The following ABCC1 variants were observed in gnomAD, a reference collection of about 807,000 sequenced individuals.
The protein encoded by ABCC1 is multidrug resistance-associated protein 1.
ABCC1 carries 83 observed loss-of-function variants against 172.9 expected under a neutral mutation model. That is an observed-to-expected ratio of 0.48 (90% confidence interval 0.40 to 0.58). The LOEUF is 0.58. ABCC1 is among the 20% of genes least tolerant of loss of function. ABCC1 has a pLI of 0.00. For synonymous variants in ABCC1, 937 were observed against 825.2 expected (o/e 1.14, Z -2.32); for missense variants, 1,817 against 2,002.7 (o/e 0.91, Z 1.77).
intron 1 of ABCC1, among the ~76,000 whole-genome samples, chr16:15,952,203 C>G (rs1172911917): frequency 6.6e-6 from 1 of 152,222 alleles, no homozygotes; most frequent in East Asian, 1.9e-4. Flanking sequence ...AGCTTGTGCC[C>G]TGCACGGAGA....
Position 16,086,994 on chromosome 16 carries a change from G to T in ABCC1, c.2460+3G>T. ...CCAAGGGGATGCTGAAGAACAAGGT[G>T]CCTGCTGGCGGGGTGGGGCTTGGTG... On this transcript the variant is annotated splice_donor_region_variant and intron_variant, in intron 18 of 30. Transcript: ENST00000399410. 6.2e-7 allele frequency: 1 copy of T among 1,614,142 alleles called. No homozygotes were observed. The highest frequency in any genetic ancestry group is 8.5e-7 in the Non-Finnish European group (1 of 1,180,020).
At position 16,028,557 on chromosome 16, in the gene ABCC1, C is replaced by T. The variant is rs529421218; in HGVS notation, c.616-4552C>T. 1.2e-4 allele frequency among the ~76,000 whole-genome samples: 19 copies of T among 152,216 alleles called. No homozygotes were observed. The South Asian group carries it at 3.1e-3, about 25-fold the overall frequency. On this transcript the variant is annotated intron_variant, in intron 5 of 30. Coordinates refer to ENST00000399410, the MANE Select transcript of ABCC1 (RefSeq NM_004996.4). ...ATTTGCAATTCCCTGATAACCCACC[C>T]GCCGACTGTGGGAGTGGGCAGGAAG...
chr16:15,960,480 T>A (rs185075742), intron 1 of ABCC1, among the ~76,000 whole-genome samples: 1 of 152,334 alleles, frequency 6.6e-6, no homozygotes, highest in African/African-American at 2.4e-5. Context: ...GTGCTGCTGC[T>A]GCTCTAGGCA....
chr16:16,033,050 T>A, intron 5 of ABCC1, 59 bp from the exon 6 acceptor site: 1 of 1,552,408 alleles, frequency 6.4e-7, no homozygotes, highest in Non-Finnish European at 8.9e-7. Context: ...CTGACCTGGA[T>A]GAAAAGTCAA....
At chr16:16,008,959 G>A (rs111430208) in intron 2 of ABCC1, among the ~76,000 whole-genome samples, 1,730 of 82,514 alleles carry the variant, frequency 0.021, 39 homozygotes, top group African/African-American at 0.072. Flanking sequence ...GTTGTTTTTT[G>A]TTTTTTTTTG....
chr16:16,046,564 T>C (rs2049218150), intron 9 of ABCC1, among the ~76,000 whole-genome samples: 2 of 152,060 alleles, frequency 1.3e-5, no homozygotes, highest in African/African-American at 4.8e-5. Context: ...AGGCTGATCT[T>C]GAACTGCTGA....
intron 9 of ABCC1, among the ~76,000 whole-genome samples, chr16:16,046,541 C>T (rs1006826017): frequency 6.6e-6 from 1 of 152,120 alleles, no homozygotes; most frequent in South Asian, 2.1e-4. Context: ...GACAGGGTTT[C>T]GCCATGTTGG....
chr16:16,137,035 C>T (rs928912287), intron 29 of ABCC1, among the ~76,000 whole-genome samples: 3 of 152,174 alleles, frequency 2.0e-5, no homozygotes, highest in Non-Finnish European at 2.9e-5. Flanking sequence ...GTCCATGACC[C>T]AGCAACTAAA....
chr16:16,063,994 TC>T (rs1218042510), intron 12 of ABCC1, among the ~76,000 whole-genome samples: 1 of 152,172 alleles, frequency 6.6e-6, no homozygotes, highest in Non-Finnish European at 1.5e-5. Context: ...AGGAGGTTCA[TC>T]TGTGGCTGAA....
chr16:16,057,180 TAAA>T (rs34088403), intron 12 of ABCC1, among the ~76,000 whole-genome samples: 1 of 96,896 alleles, frequency 1.0e-5, no homozygotes. Context: ...TGTTACTGCT[TAAA>T]AAAAAAAAAA....
intron 1 of ABCC1, among the ~76,000 whole-genome samples, chr16:15,955,971 A>G (rs140397609): frequency 5.1e-4 from 78 of 152,252 alleles, no homozygotes; most frequent in African/African-American, 1.8e-3. Flanking sequence ...TTTAGGATGC[A>G]GCGCGGTGGC....
intron 5 of ABCC1, among the ~76,000 whole-genome samples, chr16:16,027,980 C>T (rs963047224): frequency 2.6e-5 from 4 of 152,142 alleles, no homozygotes; most frequent in African/African-American, 7.2e-5. Context: ...ATTTAATCTT[C>T]ACCACCAAGG....
intron 1 of ABCC1, among the ~76,000 whole-genome samples, chr16:16,001,949 C>T (rs1302085715): frequency 6.6e-6 from 1 of 152,092 alleles, no homozygotes; most frequent in Non-Finnish European, 1.5e-5. Context: ...AACTCCTGGG[C>T]TCATGGGATC....
At chr16:15,994,272 C>T (rs1039640544) in intron 1 of ABCC1, among the ~76,000 whole-genome samples, 3 of 152,086 alleles carry the variant, frequency 2.0e-5, no homozygotes, top group African/African-American at 4.8e-5. Context: ...AGTTCAAGCA[C>T]GTGGTTTAGA....
intron 4 of ABCC1, among the ~76,000 whole-genome samples, chr16:16,016,113 T>G: frequency 6.9e-6 from 1 of 145,886 alleles, no homozygotes; most frequent in Admixed American, 7.0e-5. Context: ...TGTGGCTGAG[T>G]GGGTTTCTGC....
At chr16:16,041,595 A>C (rs2048980185) in intron 7 of ABCC1, among the ~76,000 whole-genome samples, 1 of 152,102 alleles carries the variant, frequency 6.6e-6, no homozygotes. Context: ...TGAGAAGGAA[A>C]ACCCTGTCCT....
At chr16:16,052,075 CA>C (rs1242368862) in intron 10 of ABCC1, among the ~76,000 whole-genome samples, 1 of 151,872 alleles carries the variant, frequency 6.6e-6, no homozygotes, top group Non-Finnish European at 1.5e-5. Flanking sequence ...TACAAAAAAT[CA>C]AAAAAATAGC....
chr16:16,108,562 A>G (rs2052244432), intron 21 of ABCC1, among the ~76,000 whole-genome samples: 2 of 146,890 alleles, frequency 1.4e-5, no homozygotes, highest in South Asian at 4.3e-4. Context: ...GGCATGAGCC[A>G]CTGCGCCCGG....
chr16:15,990,777 G>A lies in ABCC1; in HGVS notation c.49-17039G>A, dbSNP rs371133660. 1.8e-4 allele frequency among the ~76,000 whole-genome samples: 27 copies of A among 150,946 alleles called. No homozygotes were observed. The East Asian group carries it at 4.1e-3, about 23-fold the overall frequency. ...CCATCCTCCTGCCTCAGCCTCCCGA[G>A]TAGCTGGAACCACAGGTGCCTGCCG... On this transcript the variant is annotated intron_variant, in intron 1 of 30. Transcript: ENST00000399410.
Sources: gnomAD v4.1 joint callset for allele counts (sites outside exome capture counted in the v4.1 genomes callset) on GRCh38, gnomAD v4.1.1 for gene constraint, MANE v1.5 for transcripts, NCBI Gene and HGNC (gene_info 2026-07-23, HGNC 2026-07-21) for gene names.